PDIA4: variants seen among roughly 807,000 people sequenced by gnomAD.
PDIA4 encodes protein disulfide-isomerase A4.
PDIA4 carries 33 observed loss-of-function variants against 62.1 expected under a neutral mutation model. The observed-to-expected ratio is 0.53, with a 90% CI of 0.40 to 0.71. The LOEUF is 0.71. Among genes scored for constraint, PDIA4 ranks in the 30% least tolerant of loss-of-function variants. The pLI, the probability that PDIA4 is intolerant of heterozygous loss-of-function variation, is 0.00. For missense variants in PDIA4, 804 were observed against 813.6 expected, an observed-to-expected ratio of 0.99 and a Z score of 0.14; for synonymous variants, 341 against 324.1, an observed-to-expected ratio of 1.05 and a Z score of -0.56.
intron 2 of PDIA4, among the ~76,000 whole-genome samples, chr7:149,020,681 C>T (rs946855762): frequency 1.3e-5 from 2 of 152,158 alleles, no homozygotes; most frequent in African/African-American, 2.4e-5. Context: ...GTGTCATTGC[C>T]GCTTGTTAAA....
intron 1 of PDIA4, chr7:149,028,069 T>C (rs1824621288): frequency 3.2e-6 from 2 of 628,858 alleles, no homozygotes; most frequent in East Asian, 3.1e-5. Context: ...GACAGGGGTC[T>C]TCCAGGGCGT....
intron 8 of PDIA4, 66 bp from the exon 9 acceptor site, chr7:149,005,440 G>T: frequency 9.7e-7 from 1 of 1,031,044 alleles, no homozygotes; most frequent in Non-Finnish European, 1.5e-6. Flanking sequence ...AGACTCTGAG[G>T]TCAGGCTTCA....
intron 4 of PDIA4, among the ~76,000 whole-genome samples, 171 bp from the exon 5 acceptor site, chr7:149,012,531 G>A (rs1306034530): frequency 6.6e-6 from 1 of 152,142 alleles, no homozygotes; most frequent in East Asian, 1.9e-4. Flanking sequence ...GGGCGCTACC[G>A]CTGGACAGAC....
At chr7:149,020,900 G>A (rs892378229) in intron 2 of PDIA4, 67 bp downstream of exon 2, 42 of 1,559,564 alleles carry the variant, frequency 2.7e-5, no homozygotes, top group South Asian at 1.5e-4. Context: ...CTGGATGACC[G>A]GGTGAAGGGC....
chr7:149,017,274 A>G (rs1472279039), intron 3 of PDIA4, among the ~76,000 whole-genome samples: 1 of 152,070 alleles, frequency 6.6e-6, no homozygotes, highest in Non-Finnish European at 1.5e-5. Context: ...TTCATTCAAT[A>G]AAATTAAATA....
chr7:149,016,424 CTG>C (rs1824141795), intron 3 of PDIA4, among the ~76,000 whole-genome samples: 1 of 152,102 alleles, frequency 6.6e-6, no homozygotes, highest in African/African-American at 2.4e-5. Context: ...ATACTAATAA[CTG>C]TAAAAATGAG....
chr7:149,028,114 C>T, intron 1 of PDIA4: 1 of 597,628 alleles, frequency 1.7e-6, no homozygotes, highest in South Asian at 1.9e-5. Context: ...CTTCCTCTCC[C>T]GGGAACCCCA....
rs369919875 is a variant in PDIA4 at position 149,026,379 on chromosome 7, G to A, written c.88+1942C>T. On this transcript the variant is annotated intron_variant, in intron 1 of 9. Transcript: ENST00000652332. ...GAAAAAAAATAGCCAGGCTGGGCACGGTGGCTCACTCCTGTAATCTCAGCA... is the reference window on the plus strand; with the variant it reads ...GAAAAAAAATAGCCAGGCTGGGCACAGTGGCTCACTCCTGTAATCTCAGCA... Among the ~76,000 whole-genome samples, 10 of 152,192 alleles carry A rather than the reference G, an allele frequency of 6.6e-5. No homozygotes were observed. The East Asian group carries it at 9.7e-4, about 15-fold the overall frequency.
chr7:149,022,800 C>T (rs1178992875), intron 1 of PDIA4, among the ~76,000 whole-genome samples: 3 of 152,066 alleles, frequency 2.0e-5, no homozygotes, highest in East Asian at 1.9e-4. Context: ...GGGTCTGTGC[C>T]GGGCAGGGAG....
At chr7:149,020,901 G>A (rs1563123594) in intron 2 of PDIA4, 66 bp downstream of exon 2, 1 of 1,565,610 alleles carries the variant, frequency 6.4e-7, no homozygotes, top group Non-Finnish European at 8.7e-7. Flanking sequence ...TGGATGACCG[G>A]GTGAAGGGCT....
chr7:149,026,054 T>C (rs551432967), intron 1 of PDIA4, among the ~76,000 whole-genome samples: 1 of 151,726 alleles, frequency 6.6e-6, no homozygotes, highest in Non-Finnish European at 1.5e-5. Flanking sequence ...TAGACACCAC[T>C]GTGCTGTCTA....
chr7:149,021,879 G>A (rs1242419500), intron 1 of PDIA4, among the ~76,000 whole-genome samples: 3 of 151,972 alleles, frequency 2.0e-5, no homozygotes, highest in East Asian at 1.9e-4. Flanking sequence ...CCTGTAGCTC[G>A]GGCTCCCCTA....
At chr7:149,024,814 T>TAAAAAAAAAA (rs539798193) in intron 1 of PDIA4, among the ~76,000 whole-genome samples, 2 of 89,386 alleles carry the variant, frequency 2.2e-5, no homozygotes, top group Admixed American at 1.3e-4. Context: ...GACTGTCATT[T>TAAAAAAAAAA]AAAAAAAAAA....
rs375136880 is a variant in PDIA4, at chr7:149,012,269, C to T, written c.706G>A (p.Asp236Asn). Residue 236 changes from aspartate to asparagine, a missense_variant, in exon 5 of 10, where the codon GAC becomes AAC. Asp to Asn is a conservative substitution (Grantham distance 23). Transcript: ENST00000652332. Reference sequence around the variant, plus strand: ...GCCAGGTCTGTTTCTGCGGTGGCGTCGACCTTTGCCAGGGGAATTGGAGGA... The same window carrying T: ...GCCAGGTCTGTTTCTGCGGTGGCGTTGACCTTTGCCAGGGGAATTGGAGGA... ...RSPPIPLAKV[D>N]ATAETDLAKR... 4.3e-6 allele frequency: 7 copies of T among 1,613,992 alleles called. No homozygotes were observed. Among genetic ancestry groups the T allele is most frequent in the African/African-American group, 4.0e-5 (3 of 74,892 alleles).
At chr7:149,024,971 A>C (rs1824495878) in intron 1 of PDIA4, among the ~76,000 whole-genome samples, 1 of 149,996 alleles carries the variant, frequency 6.7e-6, no homozygotes, top group African/African-American at 2.5e-5. Flanking sequence ...CTAAAAATAC[A>C]AAATTAGCTG....
intron 9 of PDIA4, 72 bp from the exon 10 acceptor site, chr7:149,004,281 A>T: frequency 2.1e-6 from 3 of 1,461,694 alleles, no homozygotes; most frequent in Non-Finnish European, 2.8e-6. Flanking sequence ...CTCTCTCTGG[A>T]CCAGGCAGTG....
chr7:149,025,070 CAAA>C lies in PDIA4; in HGVS notation c.88+3248_88+3250del, dbSNP rs1184341612. On this transcript the variant is annotated intron_variant, in intron 1 of 9. Coordinates refer to ENST00000652332, the MANE Select transcript of PDIA4 (RefSeq NM_004911.5). ...GGACAACAAGAGTGAAACTCCATCT[CAAA>C]AAAAAAAAAAAAATATATATATATA... Among the ~76,000 whole-genome samples the C allele has an allele frequency of 2.8e-3, 194 of 70,236 alleles. 2 individuals are homozygous for C. The highest frequency in any genetic ancestry group is 5.3e-3 in the African/African-American group (113 of 21,462). The allele number at this position is 70,236 out of a possible 152,430, so 46.1% of individuals were successfully genotyped here. A position where few individuals can be genotyped will look rare whatever the true frequency, so the allele number is the denominator to read the frequency against.
Position 149,028,389 on chromosome 7 carries a change from A to C in PDIA4, c.20T>G (p.Phe7Cys), listed in dbSNP as rs1248453060. 1.3e-6 allele frequency: 2 copies of C among 1,522,500 alleles called. No individual in the cohort carries two copies. The highest frequency in any genetic ancestry group is 2.4e-5 in the South Asian group (2 of 81,696). The allele number at this position is 1,522,500 out of a possible 1,614,324, so 94.3% of individuals were successfully genotyped here. Residue 7 changes from phenylalanine to cysteine, a missense_variant, in exon 1 of 10, where the codon TTC becomes TGC. Coordinates refer to ENST00000652332, the MANE Select transcript of PDIA4 (RefSeq NM_004911.5). ...CAGCCCCAAGAGCAGCAGGAGCAGG[A>C]AGGCTTTCCGGGGCCTCATGGTAGC... is the stretch of plus-strand genomic sequence containing the variant. The part of the protein sequence containing the change: MRPRKA[F>C]LLLLLLGLVQ...
At chr7:149,010,879 C>T (rs1823921561) in intron 6 of PDIA4, among the ~76,000 whole-genome samples, 2 of 152,234 alleles carry the variant, frequency 1.3e-5, no homozygotes, top group African/African-American at 4.8e-5. Context: ...TTTGCATGCA[C>T]ATCAATGCAC....
Sources: allele counts gnomAD v4.1 joint callset (sites outside exome capture counted in the v4.1 genomes callset), GRCh38; gene constraint gnomAD v4.1.1; transcripts MANE v1.5; gene names NCBI Gene and HGNC (gene_info 2026-07-23, HGNC 2026-07-21).